Variants in FBXO42 observed in about 807,000 individuals in gnomAD.
FBXO42 encodes F-box only protein 42.
Under a neutral mutation model 71.7 loss-of-function variants are expected in FBXO42, and 12 were observed. The observed-to-expected ratio is 0.17, with a 90% CI of 0.11 to 0.27. The LOEUF is 0.27. FBXO42 is among the 10% of genes least tolerant of loss of function. FBXO42 has a pLI of 1.00. For synonymous variants in FBXO42, 325 were observed against 327.5 expected (o/e 0.99, Z 0.08); for missense variants, 707 against 911.9 (o/e 0.78, Z 2.89).
intron 1 of FBXO42, among the ~76,000 whole-genome samples, chr1:16,351,544 G>C (rs1221789065): frequency 6.6e-6 from 1 of 152,120 alleles, no homozygotes; most frequent in Non-Finnish European, 1.5e-5. Flanking sequence ...ACAAACCGAA[G>C]GTTTCAAACG....
intron 1 of FBXO42, among the ~76,000 whole-genome samples, chr1:16,325,594 C>T (rs2082442219): frequency 1.3e-5 from 2 of 152,084 alleles, no homozygotes; most frequent in Non-Finnish European, 2.9e-5. Context: ...CTTAATAAAA[C>T]AGAAAAAATT....
At chr1:16,274,016 C>G (rs763382921) in intron 4 of FBXO42, among the ~76,000 whole-genome samples, 1 of 152,166 alleles carries the variant, frequency 6.6e-6, no homozygotes, top group Non-Finnish European at 1.5e-5. Context: ...TAAAATACTA[C>G]CTATCACAGA....
rs139779118 is a variant in FBXO42, at chr1:16,253,041, A to G, written c.921+55T>C. 119 of 1,482,344 alleles carry G rather than the reference A, an allele frequency of 8.0e-5. No homozygotes were observed. The East Asian group carries it at 2.7e-3, about 34-fold the overall frequency. The allele number at this position is 1,482,344 out of a possible 1,614,324, so 91.8% of individuals were successfully genotyped here. Reference sequence around the variant, plus strand: ...TCCTAGAAAAGAAGACAGGGGAAACAGGTTTTGAACACTTAGTAGCATGCA... The same window carrying G: ...TCCTAGAAAAGAAGACAGGGGAAACGGGTTTTGAACACTTAGTAGCATGCA... On this transcript the variant is annotated intron_variant, in intron 8 of 9. Coordinates refer to ENST00000375592, the MANE Select transcript of FBXO42 (RefSeq NM_018994.3).
intron 4 of FBXO42, among the ~76,000 whole-genome samples, chr1:16,285,269 G>A (rs1557584578): frequency 6.6e-6 from 1 of 151,788 alleles, no homozygotes; most frequent in African/African-American, 2.4e-5. Flanking sequence ...TCAATGTATT[G>A]TTTATACTTA....
chr1:16,317,776 C>A (rs539000806), intron 1 of FBXO42, among the ~76,000 whole-genome samples: 1 of 151,664 alleles, frequency 6.6e-6, no homozygotes, highest in Admixed American at 6.6e-5. Context: ...AATAATTAAC[C>A]GGGTGTGCTG....
At chr1:16,258,862 C>T (rs935446733) in intron 4 of FBXO42, among the ~76,000 whole-genome samples, 2 of 152,018 alleles carry the variant, frequency 1.3e-5, no homozygotes, top group Non-Finnish European at 2.9e-5. Flanking sequence ...TTCAGCCTCT[C>T]GAGTAGCAGA....
intron 3 of FBXO42, among the ~76,000 whole-genome samples, chr1:16,299,714 G>C (rs982226306): frequency 6.6e-6 from 1 of 151,946 alleles, no homozygotes; most frequent in Non-Finnish European, 1.5e-5. Flanking sequence ...GCACGATCTC[G>C]GCTCACTGCA....
At chr1:16,338,366 A>G (rs56115479) in intron 1 of FBXO42, among the ~76,000 whole-genome samples, 2 of 137,248 alleles carry the variant, frequency 1.5e-5, no homozygotes, top group African/African-American at 2.6e-5. Context: ...AAAAAAAAAA[A>G]AAAAAAAAAA....
intron 1 of FBXO42, among the ~76,000 whole-genome samples, chr1:16,336,569 C>G (rs1358847557): frequency 6.6e-6 from 1 of 150,434 alleles, no homozygotes; most frequent in Non-Finnish European, 1.5e-5. Context: ...GTTGGCCAGG[C>G]TGGTCTTGAA....
chr1:16,336,790 C>T (rs755228851), intron 1 of FBXO42, among the ~76,000 whole-genome samples: 12 of 151,732 alleles, frequency 7.9e-5, no homozygotes, highest in Non-Finnish European at 1.5e-4. Context: ...TCAAGACCAG[C>T]CTGGCAAACA....
intron 4 of FBXO42, among the ~76,000 whole-genome samples, chr1:16,289,199 A>C (rs2082053235): frequency 6.6e-6 from 1 of 151,980 alleles, no homozygotes; most frequent in Non-Finnish European, 1.5e-5. Context: ...GTTGAAGACC[A>C]GCCCAGGCAA....
intron 4 of FBXO42, among the ~76,000 whole-genome samples, chr1:16,274,290 A>G (rs566373099): frequency 6.6e-6 from 1 of 152,150 alleles, no homozygotes; most frequent in East Asian, 1.9e-4. Flanking sequence ...CCTGGGTGAC[A>G]GAATGAAACT....
intron 4 of FBXO42, among the ~76,000 whole-genome samples, chr1:16,281,749 C>T (rs2081966267): frequency 6.6e-6 from 1 of 151,616 alleles, no homozygotes; most frequent in Admixed American, 6.6e-5. Flanking sequence ...CTCCACCTCC[C>T]GGGTTCAAGC....
intron 1 of FBXO42, among the ~76,000 whole-genome samples, chr1:16,347,631 G>C (rs1396501312): frequency 6.6e-6 from 1 of 152,184 alleles, no homozygotes; most frequent in Non-Finnish European, 1.5e-5. Context: ...AAGGCCAGCG[G>C]ATCACCTGAG....
chr1:16,251,082 A>G lies in FBXO42; in HGVS notation c.1742T>C (p.Leu581Pro). 6.2e-7 allele frequency: 1 copy of G among 1,614,160 alleles called. No individual in the cohort carries two copies. Among genetic ancestry groups the G allele is most frequent in the Non-Finnish European group, 8.5e-7 (1 of 1,180,042 alleles). Residue 581 changes from leucine to proline, a missense_variant, in exon 10 of 10, where the codon CTT (leucine) becomes CCT (proline). Coordinates refer to ENST00000375592, the MANE Select transcript of FBXO42 (RefSeq NM_018994.3). The surrounding 1 kb of genome is among the most constrained non-coding windows in gnomAD (Gnocchi z 4.5). The stretch of plus-strand genomic sequence containing the variant: ...CCCAGGAGAGCCTGGAGAAGACCCA[A>G]GAGGAGGACTTAGTGCTGCAGAGGC... ...PSASAALSPPLGSSPGSPGSQ... is the reference protein window; with the variant it reads ...PSASAALSPPPGSSPGSPGSQ...
At chr1:16,337,720 C>T (rs911983420) in intron 1 of FBXO42, among the ~76,000 whole-genome samples, 1 of 150,322 alleles carries the variant, frequency 6.7e-6, no homozygotes, top group Non-Finnish European at 1.5e-5. Flanking sequence ...CCCGCCTCTA[C>T]AAAAAATACA....
intron 3 of FBXO42, among the ~76,000 whole-genome samples, chr1:16,301,612 A>G (rs12068487): frequency 0.35 from 51,573 of 149,416 alleles, 9,374 homozygotes; most frequent in African/African-American, 0.4. Context: ...GCAGTGAGCC[A>G]AGACCGCGCC....
Position 16,251,523 on chromosome 1 carries a change from T to C in FBXO42, c.1301A>G (p.Asp434Gly), listed in dbSNP as rs768563937. The C allele has an allele frequency of 1.2e-6, 2 of 1,613,856 alleles. No individual in the cohort carries two copies. Among genetic ancestry groups the C allele is most frequent in the African/African-American group, 1.3e-5 (1 of 74,860 alleles). ...CCCACCATTGAGGATAGGAGAGCCG[T>C]CTCCTCTGGCTGGGGAAAGGCTCCC... is the stretch of plus-strand genomic sequence containing the variant. ...REGSLSPARG[D>G]GSPILNGGSL... Residue 434 changes from aspartate (D) to glycine (G), a missense_variant, in exon 10 of 10, where the codon GAC (aspartate) becomes GGC (glycine). By Grantham distance (94) the Asp-to-Gly change is moderately conservative (BLOSUM62 -1). Coordinates refer to ENST00000375592, the MANE Select transcript of FBXO42 (RefSeq NM_018994.3). This position sits in a 1 kb window ranked among gnomAD's most constrained non-coding sequence, Gnocchi z 4.5.
At chr1:16,256,552 C>T in intron 5 of FBXO42, 54 bp downstream of exon 5, 1 of 1,568,298 alleles carries the variant, frequency 6.4e-7, no homozygotes, top group Non-Finnish European at 8.7e-7. Context: ...ACAAAGAATC[C>T]ACTGATTTAA....
Sources: gnomAD v4.1 joint callset for allele counts (sites outside exome capture counted in the v4.1 genomes callset) on GRCh38, gnomAD v4.1.1 for gene constraint, Gnocchi (gnomAD v3.1) non-coding constraint, MANE v1.5 for transcripts, NCBI Gene and HGNC (gene_info 2026-07-23, HGNC 2026-07-21) for gene names.